MAMDC2: variants seen among roughly 807,000 people sequenced by gnomAD.
MAMDC2 encodes the protein MAM domain-containing protein 2.
In MAMDC2, 57 loss-of-function variants were observed where a neutral mutation model predicts 89.8. The ratio of observed to expected loss-of-function variants is 0.63; its 90% CI spans 0.51 to 0.79. The LOEUF is 0.79. MAMDC2 is among the 30% of genes least tolerant of loss of function. MAMDC2 has a pLI of 0.00. For synonymous variants in MAMDC2, 313 were observed against 293.4 expected (o/e 1.07, Z -0.68); for missense variants, 800 against 820.6 (o/e 0.97, Z 0.31).
At chr9:70,195,103 T>C (rs1192801720) in intron 11 of MAMDC2, among the ~76,000 whole-genome samples, 1 of 152,126 alleles carries the variant, frequency 6.6e-6, no homozygotes, top group Non-Finnish European at 1.5e-5. Context: ...AAATGGAATC[T>C]ATTTAAAGAA....
intron 11 of MAMDC2, among the ~76,000 whole-genome samples, chr9:70,179,411 C>T (rs2032583314): frequency 6.6e-6 from 1 of 151,510 alleles, no homozygotes; most frequent in Admixed American, 6.6e-5. Context: ...GTAGTCCCAG[C>T]TACTTGGAAG....
chr9:70,051,149 G>A (rs1367808078), intron 2 of MAMDC2, among the ~76,000 whole-genome samples: 1 of 152,110 alleles, frequency 6.6e-6, no homozygotes, highest in African/African-American at 2.4e-5. Flanking sequence ...TCTCTTGCCT[G>A]ACCCCTCCAC....
intron 2 of MAMDC2, among the ~76,000 whole-genome samples, chr9:70,048,826 T>C (rs1171311308): frequency 6.6e-6 from 1 of 152,166 alleles, no homozygotes; most frequent in East Asian, 1.9e-4. Flanking sequence ...ACAGGCACAA[T>C]TCAAAAGAAT....
chr9:70,132,518 G>T (rs1034828660), intron 7 of MAMDC2, among the ~76,000 whole-genome samples: 1 of 132,270 alleles, frequency 7.6e-6, no homozygotes, highest in East Asian at 2.4e-4. Flanking sequence ...TCTGCAAATC[G>T]GGGGACTAAG....
At chr9:70,212,288 TC>T (rs2033370053) in intron 11 of MAMDC2, among the ~76,000 whole-genome samples, 1 of 152,228 alleles carries the variant, frequency 6.6e-6, no homozygotes, top group African/African-American at 2.4e-5. Context: ...AGTTGGCCCT[TC>T]CTGGCCGCTT....
chr9:70,132,161 C>T lies in MAMDC2; in HGVS notation c.994+549C>T, dbSNP rs569573398. Among the ~76,000 whole-genome samples, 5 of 152,238 alleles carry T rather than the reference C, an allele frequency of 3.3e-5. No homozygotes were observed. The East Asian group carries it at 9.6e-4, about 29-fold the overall frequency. On this transcript the variant is annotated intron_variant, in intron 7 of 13. Transcript: ENST00000377182. ...AGGATGAACCCTCAAATTATTTTAT[C>T]ATGATCAGTTTTGAGATTTCATAAA...
chr9:70,046,314 T>C (rs1457093179), intron 2 of MAMDC2, among the ~76,000 whole-genome samples: 1 of 152,220 alleles, frequency 6.6e-6, no homozygotes, highest in Non-Finnish European at 1.5e-5. Context: ...ACACACAACC[T>C]GTGCTGTTGT....
At chr9:70,188,459 A>AT in intron 11 of MAMDC2, 1 of 151,134 alleles carries the variant, frequency 6.6e-6, no homozygotes, top group East Asian at 1.9e-4. Context: ...TTCTTGTTTT[A>AT]TTTTACTATA....
intron 9 of MAMDC2, among the ~76,000 whole-genome samples, chr9:70,151,442 C>T (rs1226574544): frequency 6.6e-6 from 1 of 152,184 alleles, no homozygotes; most frequent in African/African-American, 2.4e-5. Context: ...TAGCACTGTG[C>T]CCTGGTGCAA....
At chr9:70,177,456 C>A (rs1051514449) in intron 11 of MAMDC2, among the ~76,000 whole-genome samples, 1 of 152,198 alleles carries the variant, frequency 6.6e-6, no homozygotes, top group African/African-American at 2.4e-5. Context: ...ATTTCTGGAA[C>A]TTTCCATGTA....
chr9:70,198,160 GTATATATA>G (rs755641073), intron 11 of MAMDC2, among the ~76,000 whole-genome samples: 1 of 51,138 alleles, frequency 2.0e-5, no homozygotes. Context: ...GTGTATGTGT[GTATATATA>G]TATATATATA....
intron 2 of MAMDC2, among the ~76,000 whole-genome samples, chr9:70,045,406 G>A (rs1826724245): frequency 6.6e-6 from 1 of 152,122 alleles, no homozygotes; most frequent in Admixed American, 6.5e-5. Context: ...TTGTTTTAAA[G>A]TGTGGTTCTC....
chr9:70,218,200 T>G (rs1438357356), intron 11 of MAMDC2, 137 bp from the exon 12 acceptor site: 1 of 858,990 alleles, frequency 1.2e-6, no homozygotes, highest in Non-Finnish European at 1.7e-6. Context: ...ATAATATGCA[T>G]TCTTCAAAAT....
intron 11 of MAMDC2, chr9:70,194,331 T>C (rs2032938067): frequency 6.6e-6 from 1 of 152,102 alleles, no homozygotes; most frequent in Non-Finnish European, 1.5e-5. Context: ...TGTAACAGAA[T>C]TAAGAGACAA....
intron 11 of MAMDC2, among the ~76,000 whole-genome samples, chr9:70,212,590 C>T (rs908437899): frequency 5.3e-5 from 8 of 152,138 alleles, no homozygotes; most frequent in African/African-American, 1.9e-4. Flanking sequence ...TGAGGTGATG[C>T]CCCACCCTGC....
intron 11 of MAMDC2, among the ~76,000 whole-genome samples, chr9:70,209,697 T>G (rs993312269): frequency 1.3e-5 from 2 of 152,242 alleles, no homozygotes. Context: ...TGTTTGCTCT[T>G]GCTTCTCTAG....
intron 2 of MAMDC2, among the ~76,000 whole-genome samples, chr9:70,077,092 C>T (rs1827548582): frequency 6.6e-6 from 1 of 152,220 alleles, no homozygotes; most frequent in Non-Finnish European, 1.5e-5. Context: ...AAAACCCTGT[C>T]ATCTTCCTGT....
At chr9:70,178,990 G>C (rs2032572742) in intron 11 of MAMDC2, among the ~76,000 whole-genome samples, 1 of 152,144 alleles carries the variant, frequency 6.6e-6, no homozygotes, top group African/African-American at 2.4e-5. Flanking sequence ...CCAACAAAGT[G>C]GAGTCTAAAA....
chr9:70,082,715 A>G (rs1827681107), intron 2 of MAMDC2: 1 of 152,166 alleles, frequency 6.6e-6, no homozygotes, highest in Non-Finnish European at 1.5e-5. Context: ...AGCCTGCTAC[A>G]AGTGACTAGC....
Sources: allele counts gnomAD v4.1 joint callset (sites outside exome capture counted in the v4.1 genomes callset), GRCh38; gene constraint gnomAD v4.1.1; transcripts MANE v1.5; gene names NCBI Gene and HGNC (gene_info 2026-07-23, HGNC 2026-07-21).